BARHL1: variants seen among roughly 807,000 people sequenced by gnomAD.
The protein encoded by BARHL1 is BarH like homeobox 1.
BARHL1 carries 2 observed loss-of-function variants against 20.1 expected under a neutral mutation model. The ratio of observed to expected loss-of-function variants is 0.10; its 90% confidence interval spans 0.04 to 0.31. The LOEUF (loss-of-function observed/expected upper bound fraction) is 0.31. BARHL1 is among the 10% of genes least tolerant of loss of function. BARHL1 has a pLI of 1.00. For synonymous variants in BARHL1, 213 were observed against 209.9 expected (o/e 1.01, Z -0.13); for missense variants, 397 against 454.0 (o/e 0.87, Z 1.14).
chr9:132,584,973 G>C (rs558590002), intron 1 of BARHL1, among the ~76,000 whole-genome samples: 1 of 152,238 alleles, frequency 6.6e-6, no homozygotes, highest in Non-Finnish European at 1.5e-5. Flanking sequence ...CAAAGAGCAC[G>C]AATCTTCCAC....
At position 132,587,521 on chromosome 9, in the gene BARHL1, C is replaced by T. The variant is rs765562421; in HGVS notation, c.659C>T (p.Thr220Met). Reference sequence around the variant, plus strand: ...GCCGCCTCGCTCAACCTCACCGACACGCAGGTCAAGACCTGGTACCAGAAC... The same window carrying T: ...GCCGCCTCGCTCAACCTCACCGACATGCAGGTCAAGACCTGGTACCAGAAC... ...ELAASLNLTD[T>M]QVKTWYQNRR... Residue 220 changes from threonine to methionine, a missense_variant, in exon 2 of 3, where the codon ACG (threonine) becomes ATG (methionine). Physicochemically the swap from Thr to Met is moderately conservative, Grantham distance 81. Around this residue, in one of 3 missense-constraint regions of BARHL1, gnomAD observed 4 missense variants for 19.5 expected, o/e 0.21. Coordinates refer to ENST00000263610, the MANE Select transcript of BARHL1 (RefSeq NM_020064.4). The surrounding 1 kb of genome is among the most constrained non-coding windows in gnomAD (Gnocchi z 5.5). 3.1e-6 allele frequency: 5 copies of T among 1,612,252 alleles called. No homozygotes were observed. In the Admixed American group the frequency reaches 8.4e-5, roughly 27 times the overall value.
Position 132,587,446 on chromosome 9 carries a change from G to T in BARHL1, c.584G>T (p.Arg195Leu). 6.2e-7 allele frequency: 1 copy of T among 1,612,458 alleles called. No homozygotes were observed. Among genetic ancestry groups the T allele is most frequent in the Non-Finnish European group, 8.5e-7 (1 of 1,179,632 alleles). The change falls in exon 2 of 3, where the codon CGC becomes CTC. Residue 195 changes from arginine to leucine, a missense_variant. This residue lies in a region of BARHL1 where 272 missense variants were observed against 298.7 expected (regional missense o/e 0.91). Coordinates refer to ENST00000263610, the MANE Select transcript of BARHL1 (RefSeq NM_020064.4). This position sits in a 1 kb window ranked among gnomAD's most constrained non-coding sequence, Gnocchi z 5.5. ...GACCATCAGCTGGCGCAGCTGGAGCGCAGCTTCGAGCGGCAGAAGTACCTG... is the reference window on the plus strand; with the variant it reads ...GACCATCAGCTGGCGCAGCTGGAGCTCAGCTTCGAGCGGCAGAAGTACCTG... The part of the protein sequence containing the change: ...FTDHQLAQLE[R>L]SFERQKYLSV...
At position 132,583,123 on chromosome 9, in the gene BARHL1, C is replaced by T; in HGVS notation, c.326C>T (p.Ala109Val). 4 of 1,613,808 alleles carry T rather than the reference C, an allele frequency of 2.5e-6. No individual in the cohort carries two copies. The South Asian group carries it at 4.4e-5, about 18-fold the overall frequency. The change falls in exon 1 of 3, where the codon GCG becomes GTG. Residue 109 changes from alanine (A) to valine (V), a missense_variant. Transcript: ENST00000263610. ...RDILADCKPL[A>V]ACAPYSSSGQ... is the part of the protein sequence containing the mutation. ...ATCCTTGCCGACTGCAAACCACTCG[C>T]GGCCTGTGCACCCTACTCTAGCAGC... is the stretch of plus-strand genomic sequence containing the variant.
rs538605352 is a variant in BARHL1 at position 132,585,909 on chromosome 9, G to C, written c.467-1420G>C. ...AAGAGTTCTATGATATCAAGTTTGA[G>C]ATTTGGATGATCGTTTCCTCAAACT... On this transcript the variant is annotated intron_variant, in intron 1 of 2. Coordinates refer to ENST00000263610, the MANE Select transcript of BARHL1 (RefSeq NM_020064.4). Among the ~76,000 whole-genome samples the C allele has an allele frequency of 4.3e-4, 65 of 152,380 alleles. 1 individual carries two copies. In the South Asian group the frequency reaches 0.012, roughly 28 times the overall value.
Position 132,583,124 on chromosome 9 carries a change from G to C in BARHL1, c.327G>C (p.Ala109=), listed in dbSNP as rs1589936886. The stretch of plus-strand genomic sequence containing the variant: ...TCCTTGCCGACTGCAAACCACTCGC[G>C]GCCTGTGCACCCTACTCTAGCAGCG... The part of the protein sequence containing the change: ...RDILADCKPL[A]ACAPYSSSGQ... Residue 109 remains alanine (A), a synonymous_variant, in exon 1 of 3, where the codon GCG becomes GCC. Transcript: ENST00000263610. 4 of 1,613,770 alleles carry C rather than the reference G, an allele frequency of 2.5e-6. No individual in the cohort carries two copies. The East Asian group carries it at 8.9e-5, about 36-fold the overall frequency.
At position 132,584,353 on chromosome 9, in the gene BARHL1, A is replaced by G. The variant is rs117882609; in HGVS notation, c.466+1090A>G. Among the ~76,000 whole-genome samples, 4 of 152,338 alleles carry G rather than the reference A, an allele frequency of 2.6e-5. No individual in the cohort carries two copies. In the East Asian group the frequency reaches 7.7e-4, roughly 29 times the overall value. ...AGACAGCCCCACGTCCCCATCTAGCAGATCACTGGGAGTGGGCAGAGGCTG... is the reference window on the plus strand; with the variant it reads ...AGACAGCCCCACGTCCCCATCTAGCGGATCACTGGGAGTGGGCAGAGGCTG... On this transcript the variant is annotated intron_variant, in intron 1 of 2. Coordinates refer to ENST00000263610, the MANE Select transcript of BARHL1 (RefSeq NM_020064.4).
At chr9:132,585,770 T>C in intron 1 of BARHL1, among the ~76,000 whole-genome samples, 1 of 152,232 alleles carries the variant, frequency 6.6e-6, no homozygotes, top group East Asian at 1.9e-4. Context: ...CCCCAGTAGC[T>C]GACCCATTCT....
Position 132,587,187 on chromosome 9 carries a change from G to A in BARHL1, c.467-142G>A. On this transcript the variant is annotated intron_variant, in intron 1 of 2. Coordinates refer to ENST00000263610, the MANE Select transcript of BARHL1 (RefSeq NM_020064.4). The surrounding 1 kb of genome is among the most constrained non-coding windows in gnomAD (Gnocchi z 5.5). ...CTGTTCCCGGGGCCCCAGAGGTCCCGTCTGAGAGCGGCCCCCGCGAGCTTG... is the reference window on the plus strand; with the variant it reads ...CTGTTCCCGGGGCCCCAGAGGTCCCATCTGAGAGCGGCCCCCGCGAGCTTG... The A allele has an allele frequency of 1.2e-6, 1 of 827,092 alleles. No homozygotes were observed. The highest frequency in any genetic ancestry group is 1.9e-6 in the Non-Finnish European group (1 of 529,432). The allele number at this position is 827,092 out of a possible 1,614,324, so 51.2% of individuals were successfully genotyped here. A position where few individuals can be genotyped will look rare whatever the true frequency, so the allele number is the denominator to read the frequency against.
intron 1 of BARHL1, among the ~76,000 whole-genome samples, chr9:132,584,785 G>T (rs1830120358): frequency 1.3e-5 from 2 of 152,182 alleles, no homozygotes; most frequent in African/African-American, 4.8e-5. Context: ...CGGGCCCAGT[G>T]GTCCTTGCTC....
chr9:132,582,995 T>A lies in BARHL1; in HGVS notation c.198T>A (p.Pro66=). 2 of 1,613,756 alleles carry A rather than the reference T, an allele frequency of 1.2e-6. No individual in the cohort carries two copies. The highest frequency in any genetic ancestry group is 2.7e-5 in the African/African-American group (2 of 75,068). ...RDCLETGTPR[P]GGASGPGLDS... is the part of the protein sequence containing the mutation. ...GTTTGGAGACGGGGACCCCACGGCC[T>A]GGCGGGGCATCCGGCCCAGGTTTGG... Residue 66 remains proline, a synonymous_variant, in exon 1 of 3, where the codon CCT becomes CCA. Transcript: ENST00000263610.
At chr9:132,584,716 A>G (rs910245865) in intron 1 of BARHL1, among the ~76,000 whole-genome samples, 2 of 152,168 alleles carry the variant, frequency 1.3e-5, no homozygotes, top group Non-Finnish European at 2.9e-5. Flanking sequence ...CCTGGAAAGT[A>G]GGCAGGTTTA....
chr9:132,589,783 A>G lies in BARHL1; in HGVS notation c.*261A>G, dbSNP rs1252242537. The G allele has an allele frequency of 8.4e-6, 3 of 357,680 alleles. No individual in the cohort carries two copies. Among genetic ancestry groups the G allele is most frequent in the Non-Finnish European group, 1.4e-5 (3 of 208,980 alleles). The allele number at this position is 357,680 out of a possible 1,614,324, so 22.2% of individuals were successfully genotyped here. ...AGCCATCCCCACCCGCCGGGTGTAC[A>G]TACGCGTCTCTGCCACTCCCCACCC... On this transcript the variant is annotated 3_prime_UTR_variant, in exon 3 of 3. Coordinates refer to ENST00000263610, the MANE Select transcript of BARHL1 (RefSeq NM_020064.4).
chr9:132,584,025 C>T (rs1384069914), intron 1 of BARHL1, among the ~76,000 whole-genome samples: 1 of 152,152 alleles, frequency 6.6e-6, no homozygotes, highest in East Asian at 1.9e-4. Flanking sequence ...GTTGCCCCTC[C>T]ACTTTTCTTT....
intron 2 of BARHL1, among the ~76,000 whole-genome samples, chr9:132,588,913 G>A (rs951995608): frequency 5.3e-5 from 8 of 152,150 alleles, no homozygotes; most frequent in Admixed American, 4.6e-4. Context: ...CCTGGGCAGG[G>A]TAAGGCGCAG....
chr9:132,588,626 G>T (rs1306024081), intron 2 of BARHL1, among the ~76,000 whole-genome samples: 1 of 151,952 alleles, frequency 6.6e-6, no homozygotes, highest in East Asian at 1.9e-4. Context: ...CAGTGCGCAG[G>T]GCTCGCAGTG....
chr9:132,587,459 G>A lies in BARHL1; in HGVS notation c.597G>A (p.Arg199=). The A allele has an allele frequency of 6.2e-7, 1 of 1,612,568 alleles. No individual in the cohort carries two copies. The highest frequency in any genetic ancestry group is 8.5e-7 in the Non-Finnish European group (1 of 1,179,658). The part of the protein sequence containing the change: ...QLAQLERSFE[R]QKYLSVQDRM... Reference sequence around the variant, plus strand: ...CGCAGCTGGAGCGCAGCTTCGAGCGGCAGAAGTACCTGAGCGTGCAGGACC... The same window carrying A: ...CGCAGCTGGAGCGCAGCTTCGAGCGACAGAAGTACCTGAGCGTGCAGGACC... The change falls in exon 2 of 3, where the codon CGG becomes CGA. Residue 199 remains arginine (R), a synonymous_variant. Transcript: ENST00000263610. This position sits in a 1 kb window ranked among gnomAD's most constrained non-coding sequence, Gnocchi z 5.5.
chr9:132,584,984 C>T (rs1313149139), intron 1 of BARHL1, among the ~76,000 whole-genome samples: 1 of 152,246 alleles, frequency 6.6e-6, no homozygotes, highest in East Asian at 1.9e-4. Flanking sequence ...AATCTTCCAC[C>T]GCCCATGCTA....
In BARHL1 at chr9:132,582,681, C is replaced by G; in HGVS notation, c.-117C>G. ...CCAAGGCTGAACTCCGTCCAAGGTG[C>G]CCGCAGGCTCCCTGCCCGCCTTCCC... On this transcript the variant is annotated 5_prime_UTR_variant, in exon 1 of 3. Coordinates refer to ENST00000263610, the MANE Select transcript of BARHL1 (RefSeq NM_020064.4). 1 of 948,488 alleles carries G rather than the reference C, an allele frequency of 1.1e-6. No individual in the cohort carries two copies. The allele number at this position is 948,488 out of a possible 1,614,324, so 58.8% of individuals were successfully genotyped here. A position where few individuals can be genotyped will look rare whatever the true frequency, so the allele number is the denominator to read the frequency against.
At position 132,589,316 on chromosome 9, in the gene BARHL1, C is replaced by T. The variant is rs1830181138; in HGVS notation, c.778C>T (p.Pro260Ser). 3.7e-6 allele frequency: 6 copies of T among 1,613,490 alleles called. No homozygotes were observed. The highest frequency in any genetic ancestry group is 2.7e-5 in the African/African-American group (2 of 74,946). The change falls in exon 3 of 3, where the codon CCT (proline) becomes TCT (serine). Residue 260 changes from proline (P) to serine (S), a missense_variant. Pro to Ser is a moderately conservative substitution (Grantham distance 74). Around this residue, in one of 3 missense-constraint regions of BARHL1, gnomAD observed 121 missense variants for 135.9 expected, o/e 0.89. Transcript: ENST00000263610. ...AGCGCTCCAGCGGATGTTCCCGTCGCCTTATTTCTACCCGCAGAGTCTGGT... is the reference window on the plus strand; with the variant it reads ...AGCGCTCCAGCGGATGTTCCCGTCGTCTTATTTCTACCCGCAGAGTCTGGT... ...YSALQRMFPS[P>S]YFYPQSLVSN...
Sources: allele counts gnomAD v4.1 joint callset (sites outside exome capture counted in the v4.1 genomes callset), GRCh38; gene constraint gnomAD v4.1.1; regional missense constraint gnomAD v4.1.1; non-coding constraint Gnocchi (gnomAD v3.1); transcripts MANE v1.5; gene names NCBI Gene and HGNC (gene_info 2026-07-23, HGNC 2026-07-21).